Variants in NPEPPS observed in about 807,000 individuals in gnomAD.
NPEPPS encodes puromycin-sensitive aminopeptidase.
In NPEPPS, 14 loss-of-function variants were observed where a neutral mutation model predicts 115.5. That is an observed-to-expected ratio of 0.12 (90% CI 0.08 to 0.19). NPEPPS has a LOEUF of 0.19. Among genes scored for constraint, NPEPPS ranks in the 10% least tolerant of loss-of-function variants. The pLI is 1.00. For synonymous variants in NPEPPS, 285 were observed against 390.6 expected (o/e 0.73, Z 3.19); for missense variants, 523 against 1,110.8 (o/e 0.47, Z 7.52).
intron 2 of NPEPPS, among the ~76,000 whole-genome samples, chr17:47,558,830 C>T (rs990921264): frequency 1.6e-4 from 25 of 151,964 alleles, no homozygotes; most frequent in African/African-American, 5.6e-4. Context: ...GTCAGGAGAT[C>T]GAGACCATCC....
intron 2 of NPEPPS, chr17:47,557,587 T>G (rs1429176466): frequency 6.7e-6 from 1 of 149,454 alleles, no homozygotes; most frequent in Admixed American, 6.7e-5. Context: ...TTCTTTCTAG[T>G]ATATTCATTT....
chr17:47,588,564 CA>C (rs143068684), intron 9 of NPEPPS, among the ~76,000 whole-genome samples: 215 of 132,508 alleles, frequency 1.6e-3, no homozygotes, highest in Middle Eastern at 3.8e-3. Flanking sequence ...AACTCCATCT[CA>C]AAAAAAAAAA....
chr17:47,531,218 C>A lies in NPEPPS; in HGVS notation c.-83C>A, dbSNP rs1372559339. ...TCCGCCCGCACCGCCTCCTTCCCAG[C>A]CCCTAGCGCTCCGGCTGGGTCTCTC... is the stretch of plus-strand genomic sequence containing the variant. On this transcript the variant is annotated 5_prime_UTR_variant, in exon 1 of 23. Coordinates refer to ENST00000322157, the MANE Select transcript of NPEPPS (RefSeq NM_006310.4). The A allele has an allele frequency of 2.0e-6, 3 of 1,470,182 alleles. No homozygotes were observed. Among genetic ancestry groups the A allele is most frequent in the Non-Finnish European group, 1.8e-6 (2 of 1,114,048 alleles). 91.1% of individuals were successfully genotyped at this position (1,470,182 alleles called of 1,614,324 possible). A position where few individuals can be genotyped will look rare whatever the true frequency, so the allele number is the denominator to read the frequency against.
chr17:47,526,131 GA>G (rs1427110603), upstream of NPEPPS, among the ~76,000 whole-genome samples: 1 of 152,198 alleles, frequency 6.6e-6, no homozygotes, highest in Non-Finnish European at 1.5e-5. Context: ...AGAATCGCTT[GA>G]ACCTAGGAGG....
At chr17:47,617,052 G>T (rs1039632420) in intron 19 of NPEPPS, among the ~76,000 whole-genome samples, 4 of 152,042 alleles carry the variant, frequency 2.6e-5, no homozygotes, top group Non-Finnish European at 4.4e-5. Flanking sequence ...TCTATGAAAA[G>T]ATTTTATATA....
chr17:47,596,030 G>A (rs1912853366), intron 12 of NPEPPS: 1 of 177,932 alleles, frequency 5.6e-6, no homozygotes, highest in African/African-American at 2.4e-5. Flanking sequence ...GTGTGCACCT[G>A]TAGTCCCAGC....
upstream of NPEPPS, among the ~76,000 whole-genome samples, chr17:47,528,327 AAATT>A (rs1289446925): frequency 6.6e-6 from 1 of 152,164 alleles, no homozygotes; most frequent in African/African-American, 2.4e-5. Flanking sequence ...TATGTTATTT[AAATT>A]ATTATTTCTC....
intron 1 of NPEPPS, among the ~76,000 whole-genome samples, chr17:47,534,761 G>C (rs1908073030): frequency 6.6e-6 from 1 of 151,142 alleles, no homozygotes; most frequent in African/African-American, 2.4e-5. Context: ...TAGAGATGGG[G>C]TTTTGCCATG....
intron 2 of NPEPPS, among the ~76,000 whole-genome samples, chr17:47,548,897 C>T (rs113487824): frequency 1.3e-5 from 2 of 151,890 alleles, no homozygotes; most frequent in Non-Finnish European, 2.9e-5. Context: ...TTTGAATATG[C>T]GTAACCGAAT....
At chr17:47,608,440 C>T (rs1044361539) in intron 17 of NPEPPS, among the ~76,000 whole-genome samples, 3 of 114,202 alleles carry the variant, frequency 2.6e-5, no homozygotes, top group Non-Finnish European at 3.4e-5. Flanking sequence ...GGCAACAGAG[C>T]GGGACTCCGT....
chr17:47,603,280 C>T (rs549478068), intron 15 of NPEPPS, among the ~76,000 whole-genome samples: 4 of 152,096 alleles, frequency 2.6e-5, no homozygotes, highest in Admixed American at 6.5e-5. Flanking sequence ...GGTGTGGTGG[C>T]GGGTGCCTGT....
intron 17 of NPEPPS, among the ~76,000 whole-genome samples, chr17:47,608,482 G>A (rs1913650512): frequency 6.6e-6 from 1 of 151,790 alleles, no homozygotes; most frequent in Non-Finnish European, 1.5e-5. Context: ...AAAGTGAGGG[G>A]GTGGGAATCA....
chr17:47,540,210 A>C (rs1293632708), intron 1 of NPEPPS, among the ~76,000 whole-genome samples: 1 of 151,846 alleles, frequency 6.6e-6, no homozygotes, highest in African/African-American at 2.4e-5. Flanking sequence ...GGCCAAGAAG[A>C]CTTAATCCTG....
At chr17:47,594,343 T>A (rs1912705642) in intron 12 of NPEPPS, among the ~76,000 whole-genome samples, 1 of 152,258 alleles carries the variant, frequency 6.6e-6, no homozygotes, top group East Asian at 1.9e-4. Context: ...AATAATAAAT[T>A]AACCTTAGCT....
At chr17:47,539,728 A>G (rs1475412090) in intron 1 of NPEPPS, among the ~76,000 whole-genome samples, 1 of 152,134 alleles carries the variant, frequency 6.6e-6, no homozygotes, top group Non-Finnish European at 1.5e-5. Context: ...TTTTACATTA[A>G]TGGTAATTAT....
At chr17:47,539,858 GC>G (rs1908626458) in intron 1 of NPEPPS, among the ~76,000 whole-genome samples, 1 of 151,952 alleles carries the variant, frequency 6.6e-6, no homozygotes, top group African/African-American at 2.4e-5. Context: ...TTCCACCAAG[GC>G]AACAATTATT....
rs530290243 is a variant in NPEPPS, at chr17:47,536,674, C to T, written c.255+5119C>T. ...CCTCCCAAAGTGCTGGGATTATGGG[C>T]GTGAGCCACCGAGCCACCGTGCCTG... On this transcript the variant is annotated intron_variant, in intron 1 of 22. Coordinates refer to ENST00000322157, the MANE Select transcript of NPEPPS (RefSeq NM_006310.4). 3.5e-5 allele frequency among the ~76,000 whole-genome samples: 5 copies of T among 142,874 alleles called. No individual in the cohort carries two copies. The Admixed American group carries it at 3.6e-4, about 10-fold the overall frequency. The allele number at this position is 142,874 out of a possible 152,430, so 93.7% of individuals were successfully genotyped here.
upstream of NPEPPS, among the ~76,000 whole-genome samples, chr17:47,529,200 T>G (rs1907555988): frequency 6.6e-6 from 1 of 152,196 alleles, no homozygotes; most frequent in African/African-American, 2.4e-5. Context: ...TAAATCTCCT[T>G]GCCTTTGACA....
intron 3 of NPEPPS, among the ~76,000 whole-genome samples, chr17:47,575,167 T>C (rs1911437446): frequency 6.6e-6 from 1 of 152,216 alleles, no homozygotes; most frequent in Admixed American, 6.5e-5. Flanking sequence ...CAGTCTACCG[T>C]CTTCTTTCTC....
Sources: allele counts gnomAD v4.1 joint callset (sites outside exome capture counted in the v4.1 genomes callset), GRCh38; gene constraint gnomAD v4.1.1; transcripts MANE v1.5; gene names NCBI Gene and HGNC (gene_info 2026-07-23, HGNC 2026-07-21).